TTC12: variants seen among roughly 807,000 people sequenced by gnomAD.
The protein encoded by TTC12 is tetratricopeptide repeat domain 12, also known as tetratricopeptide repeat protein 12.
TTC12 carries 70 observed loss-of-function variants against 90.1 expected under a neutral mutation model. The observed-to-expected ratio is 0.78, with a 90% confidence interval of 0.64 to 0.95. The LOEUF is 0.95. Ranked by LOEUF, TTC12 falls within the 40% of genes least tolerant of loss-of-function variation. TTC12 has a pLI of 0.00. For missense variants in TTC12, 819 were observed against 846.1 expected, an observed-to-expected ratio of 0.97 and a Z score of 0.40; for synonymous variants, 296 against 311.5, an observed-to-expected ratio of 0.95 and a Z score of 0.53.
chr11:113,365,128 T>G, intron 21 of TTC12, 68 bp downstream of exon 21: 12 of 1,469,244 alleles, frequency 8.2e-6, no homozygotes, highest in Non-Finnish European at 9.4e-6. Flanking sequence ...GTGCTGAGTT[T>G]TGGCTGGGAC....
At position 113,325,517 on chromosome 11, in the gene TTC12, C is replaced by A. The variant is rs1555140646; in HGVS notation, c.323-7C>A. ...AGAGCTCACCTGTGTAACTTATATT[C>A]CCATAGCCCTAAAAGAAAAAGGGAA... On this transcript the variant is annotated splice_region_variant and splice_polypyrimidine_tract_variant and intron_variant, in intron 5 of 21. Coordinates refer to ENST00000529221, the MANE Select transcript of TTC12 (RefSeq NM_017868.4). 1 of 1,613,556 alleles carries A rather than the reference C, an allele frequency of 6.2e-7. No individual in the cohort carries two copies. Among genetic ancestry groups the A allele is most frequent in the South Asian group, 1.1e-5 (1 of 91,046 alleles).
chr11:113,335,958 G>A (rs1055128267), intron 8 of TTC12, among the ~76,000 whole-genome samples: 6 of 152,116 alleles, frequency 3.9e-5, no homozygotes, highest in African/African-American at 1.2e-4. Context: ...TAGCAGGGCC[G>A]TATGGTAACT....
At position 113,349,973 on chromosome 11, in the gene TTC12, C is replaced by T. The variant is rs544147134; in HGVS notation, c.1155-100C>T. ...AGGCACCCTTTCTGCTTATTTCACC[C>T]GGATGCTGACTCCTTTTTTGGTTTC... On this transcript the variant is annotated intron_variant, in intron 13 of 21. Transcript: ENST00000529221. 781 of 932,994 alleles carry T rather than the reference C, an allele frequency of 8.4e-4. 5 individuals are homozygous for T. The highest frequency in any genetic ancestry group is 3.0e-3 in the Middle Eastern group (14 of 4,592). The allele number at this position is 932,994 out of a possible 1,614,324, so 57.8% of individuals were successfully genotyped here.
chr11:113,363,567 C>G (rs1950050692), intron 19 of TTC12, among the ~76,000 whole-genome samples: 1 of 152,180 alleles, frequency 6.6e-6, no homozygotes, highest in African/African-American at 2.4e-5. Context: ...GCTCATAAAG[C>G]CTTCCGGAGG....
chr11:113,346,278 G>C (rs1436527069), intron 13 of TTC12, among the ~76,000 whole-genome samples: 2 of 152,054 alleles, frequency 1.3e-5, no homozygotes, highest in Admixed American at 1.3e-4. Context: ...AGCATGGACA[G>C]GCCCCGGCAT....
intron 13 of TTC12, among the ~76,000 whole-genome samples, chr11:113,345,677 G>A (rs1250049701): frequency 1.3e-5 from 2 of 152,198 alleles, no homozygotes; most frequent in Non-Finnish European, 2.9e-5. Context: ...CAGCCTGCAC[G>A]GCAGATGCAG....
chr11:113,333,475 T>TACA (rs1948177049), intron 7 of TTC12, among the ~76,000 whole-genome samples: 1 of 152,206 alleles, frequency 6.6e-6, no homozygotes, highest in Non-Finnish European at 1.5e-5. Flanking sequence ...AGCACCTTTC[T>TACA]GAAGGAGATT....
At chr11:113,316,763 G>C (rs1219282674) in intron 2 of TTC12, among the ~76,000 whole-genome samples, 1 of 152,204 alleles carries the variant, frequency 6.6e-6, no homozygotes, top group African/African-American at 2.4e-5. Flanking sequence ...TTACATGGAT[G>C]GTTTATGATC....
At chr11:113,361,982 G>A (rs1351586839) in intron 18 of TTC12, among the ~76,000 whole-genome samples, 14 of 149,784 alleles carry the variant, frequency 9.3e-5, no homozygotes, top group African/African-American at 3.2e-4. Context: ...AAGAAGAGCC[G>A]GGAAATAAAG....
intron 13 of TTC12, among the ~76,000 whole-genome samples, chr11:113,348,922 C>T (rs1331036326): frequency 6.6e-6 from 1 of 152,226 alleles, no homozygotes; most frequent in Non-Finnish European, 1.5e-5. Context: ...CCAGCAGTCC[C>T]CAAATGTGCT....
At chr11:113,323,509 G>T in intron 3 of TTC12, 58 bp downstream of exon 3, 1 of 1,225,934 alleles carries the variant, frequency 8.2e-7, no homozygotes, top group African/African-American at 1.5e-5. Flanking sequence ...CCTACACCTA[G>T]GCAGTAGTTT....
At chr11:113,328,647 C>G (rs1473185031) in intron 6 of TTC12, among the ~76,000 whole-genome samples, 3 of 152,090 alleles carry the variant, frequency 2.0e-5, no homozygotes, top group Non-Finnish European at 4.4e-5. Context: ...ACATACCATA[C>G]AGTTCACCCT....
intron 8 of TTC12, among the ~76,000 whole-genome samples, chr11:113,335,366 T>C (rs1948308138): frequency 6.6e-6 from 1 of 152,202 alleles, no homozygotes; most frequent in African/African-American, 2.4e-5. Flanking sequence ...CCTGTCTATC[T>C]ACCTATTTAT....
At chr11:113,364,599 G>A in intron 20 of TTC12, 1 of 536,244 alleles carries the variant, frequency 1.9e-6, no homozygotes, top group Middle Eastern at 5.1e-4. Context: ...TAACAACTGT[G>A]TTGTGCTGGG....
At chr11:113,361,513 C>G (rs1949920617) in intron 18 of TTC12, among the ~76,000 whole-genome samples, 1 of 152,288 alleles carries the variant, frequency 6.6e-6, no homozygotes, top group Non-Finnish European at 1.5e-5. Flanking sequence ...ATGAAGATTT[C>G]AAAACTCCCG....
intron 16 of TTC12, among the ~76,000 whole-genome samples, chr11:113,358,915 C>G (rs925470560): frequency 6.6e-6 from 1 of 152,102 alleles, no homozygotes; most frequent in Non-Finnish European, 1.5e-5. Flanking sequence ...CCAGTTACTC[C>G]CTTTCTGCCC....
intron 8 of TTC12, among the ~76,000 whole-genome samples, chr11:113,335,776 G>A (rs1161681463): frequency 6.6e-6 from 1 of 152,100 alleles, no homozygotes; most frequent in Non-Finnish European, 1.5e-5. Context: ...TTTTATTGCT[G>A]AATAATATTC....
Position 113,359,365 on chromosome 11 carries a change from C to T in TTC12, c.1449C>T (p.Ala483=). The T allele has an allele frequency of 1.9e-6, 3 of 1,603,310 alleles. No individual in the cohort carries two copies. Among genetic ancestry groups the T allele is most frequent in the South Asian group, 2.2e-5 (2 of 90,200 alleles). The stretch of plus-strand genomic sequence containing the variant: ...GTTACCTTGTTTTGTTTCCCAAGGC[C>T]AGGTGTGAGGAGGATGTGGACCTGT... The part of the protein sequence containing the change: ...EFGDGCLSLL[A]RCEEDVDLFR... Residue 483 remains alanine (A), a splice_region_variant and synonymous_variant, in exon 17 of 22, where the codon GCC becomes GCT. Transcript: ENST00000529221.
chr11:113,354,695 C>G (rs1455803781), intron 16 of TTC12, among the ~76,000 whole-genome samples: 3 of 152,222 alleles, frequency 2.0e-5, no homozygotes, highest in Middle Eastern at 3.4e-3. Context: ...TATCAAAAGC[C>G]TTTTCTGTAT....
Sources: allele counts gnomAD v4.1 joint callset (sites outside exome capture counted in the v4.1 genomes callset), GRCh38; gene constraint gnomAD v4.1.1; transcripts MANE v1.5; gene names NCBI Gene and HGNC (gene_info 2026-07-23, HGNC 2026-07-21).